CADM1: variants seen among roughly 807,000 people sequenced by gnomAD.
The protein encoded by CADM1 is TSLC-1.
Under a neutral mutation model 53.1 loss-of-function variants are expected in CADM1, and 15 were observed. The ratio of observed to expected loss-of-function variants is 0.28; its 90% CI spans 0.19 to 0.44. CADM1 has a LOEUF of 0.44. CADM1 is among the 20% of genes least tolerant of loss of function. The probability of loss-of-function intolerance (pLI) is 1.00; values close to 1 mark genes in which losing one functional copy is unlikely to be tolerated. For missense variants in CADM1, 434 were observed against 611.3 expected, an observed-to-expected ratio of 0.71 and a Z score of 3.06; for synonymous variants, 281 against 243.0, an observed-to-expected ratio of 1.16 and a Z score of -1.45.
chr11:115,260,110 T>A (rs2135013403), intron 1 of CADM1, among the ~76,000 whole-genome samples: 1 of 152,052 alleles, frequency 6.6e-6, no homozygotes, highest in Non-Finnish European at 1.5e-5. Flanking sequence ...TTTAATTTTG[T>A]TTAGAGACGG....
Position 115,426,351 on chromosome 11 carries a change from A to T in CADM1, c.124+77920T>A, listed in dbSNP as rs1223615619. On this transcript the variant is annotated intron_variant, in intron 1 of 11. Transcript: ENST00000331581. ...GACTCTGACCCCCGGCCCCTTTTTC[A>T]CAGAGACTTTTGATTTCAGTCGCTT... Among the ~76,000 whole-genome samples, 9 of 152,252 alleles carry T rather than the reference A, an allele frequency of 5.9e-5. No homozygotes were observed. The East Asian group carries it at 1.7e-3, about 29-fold the overall frequency.
At position 115,445,884 on chromosome 11, in the gene CADM1, A is replaced by G. The variant is rs553327964; in HGVS notation, c.124+58387T>C. 5.3e-4 allele frequency: 199 copies of G among 378,792 alleles called. 1 individual carries two copies. The highest frequency in any genetic ancestry group is 3.9e-3 in the South Asian group (197 of 51,104). The allele number at this position is 378,792 out of a possible 1,614,324, so 23.5% of individuals were successfully genotyped here. ...AGAGAGAGGTAATACAATTATAACAATGTACTGCTTTAAGACAGAAGAATA... is the reference window on the plus strand; with the variant it reads ...AGAGAGAGGTAATACAATTATAACAGTGTACTGCTTTAAGACAGAAGAATA... On this transcript the variant is annotated intron_variant, in intron 1 of 11. Coordinates refer to ENST00000331581, the MANE Select transcript of CADM1 (RefSeq NM_001301043.2).
intron 1 of CADM1, among the ~76,000 whole-genome samples, chr11:115,502,327 CTTTTTTTTTTTTT>C (rs11358670): frequency 5.2e-4 from 27 of 52,382 alleles, no homozygotes; most frequent in Admixed American, 2.6e-3. Context: ...CGCCCCCCGG[CTTTTTTTTTTTTT>C]TTTTTTTTTT....
intron 10 of CADM1, among the ~76,000 whole-genome samples, chr11:115,188,051 C>T (rs1939661696): frequency 6.6e-6 from 1 of 152,142 alleles, no homozygotes; most frequent in Non-Finnish European, 1.5e-5. Flanking sequence ...GCTGGAGGGC[C>T]ATTTTCTGGC....
chr11:115,272,123 T>C (rs1466615029), intron 1 of CADM1, among the ~76,000 whole-genome samples: 1 of 152,158 alleles, frequency 6.6e-6, no homozygotes, highest in African/African-American at 2.4e-5. Flanking sequence ...TCTATAATTT[T>C]GTTAAAGGCA....
intron 1 of CADM1, among the ~76,000 whole-genome samples, chr11:115,428,005 C>CAAAAAAAAAAA: frequency 1.8e-5 from 1 of 54,054 alleles, no homozygotes; most frequent in Admixed American, 3.0e-4. Context: ...GACTCCATCT[C>CAAAAAAAAAAA]AAAAAAAAAA....
At chr11:115,244,664 G>C (rs1422151378) in intron 1 of CADM1, among the ~76,000 whole-genome samples, 1 of 152,188 alleles carries the variant, frequency 6.6e-6, no homozygotes, top group Non-Finnish European at 1.5e-5. Context: ...GGCCCACACA[G>C]CTTGCACTCT....
intron 1 of CADM1, among the ~76,000 whole-genome samples, chr11:115,365,846 A>T (rs1241288476): frequency 6.6e-6 from 1 of 152,214 alleles, no homozygotes; most frequent in African/African-American, 2.4e-5. Flanking sequence ...ACTAAGAATC[A>T]ATTTTTAGGA....
At chr11:115,468,827 T>C (rs1591276804) in intron 1 of CADM1, among the ~76,000 whole-genome samples, 1 of 152,186 alleles carries the variant, frequency 6.6e-6, no homozygotes, top group African/African-American at 2.4e-5. Context: ...AGAGGTATAA[T>C]GGACTAACAG....
rs959898884 is a variant in CADM1 at position 115,289,603 on chromosome 11, T to C, written c.125-49183A>G. Among the ~76,000 whole-genome samples, 60 of 90,322 alleles carry C rather than the reference T, an allele frequency of 6.6e-4. No individual in the cohort carries two copies. The East Asian group carries it at 0.082, about 123-fold the overall frequency. The allele number at this position is 90,322 out of a possible 152,430, so 59.3% of individuals were successfully genotyped here. A position where few individuals can be genotyped will look rare whatever the true frequency, so the allele number is the denominator to read the frequency against. On this transcript the variant is annotated intron_variant, in intron 1 of 11. Transcript: ENST00000331581. ...ATTTTCTTTTTTTTTCTTTTTTTTT[T>C]TTTTTTTTTTGAGACAGAGTCTCGC... is the stretch of plus-strand genomic sequence containing the variant.
At chr11:115,397,523 C>G (rs1304439244) in intron 1 of CADM1, 1 of 152,156 alleles carries the variant, frequency 6.6e-6, no homozygotes, top group African/African-American at 2.4e-5. Flanking sequence ...GTGAAGATCA[C>G]TATCAGTAAA....
At chr11:115,300,950 C>G (rs962908021) in intron 1 of CADM1, among the ~76,000 whole-genome samples, 1 of 152,052 alleles carries the variant, frequency 6.6e-6, no homozygotes, top group African/African-American at 2.4e-5. Context: ...GAAGCACTAG[C>G]CTTTCCCTGA....
At chr11:115,438,281 G>A (rs554661293) in intron 1 of CADM1, among the ~76,000 whole-genome samples, 270 of 152,162 alleles carry the variant, frequency 1.8e-3, no homozygotes, top group African/African-American at 6.3e-3. Context: ...CCTGAATAGG[G>A]TTTCCAGATC....
chr11:115,446,650 G>A (rs570911616), intron 1 of CADM1, among the ~76,000 whole-genome samples: 2 of 152,210 alleles, frequency 1.3e-5, no homozygotes, highest in African/African-American at 4.8e-5. Flanking sequence ...GTATGAAAAT[G>A]ACACTTCTTT....
chr11:115,230,220 C>T (rs1346656306), intron 4 of CADM1, among the ~76,000 whole-genome samples: 1 of 152,116 alleles, frequency 6.6e-6, no homozygotes, highest in Admixed American at 6.6e-5. Context: ...TATCTGCTTC[C>T]AGATATAGAT....
intron 1 of CADM1, among the ~76,000 whole-genome samples, chr11:115,402,965 G>A (rs1947200735): frequency 6.6e-6 from 1 of 152,178 alleles, no homozygotes; most frequent in Admixed American, 6.5e-5. Context: ...ATGTGGAAAG[G>A]ATGATGGGAA....
intron 1 of CADM1, among the ~76,000 whole-genome samples, chr11:115,400,527 TG>T (rs1764921170): frequency 6.8e-6 from 1 of 147,030 alleles, no homozygotes; most frequent in Admixed American, 6.8e-5. Context: ...ATCAGAATAC[TG>T]TCAAAATCAG....
chr11:115,217,916 G>T lies in CADM1; in HGVS notation c.797C>A (p.Thr266Lys). Residue 266 changes from threonine (T) to lysine (K), a missense_variant, in exon 6 of 12, where the codon ACA becomes AAA. Thr to Lys is a moderately conservative substitution (Grantham distance 78, BLOSUM62 -1). Around this residue, in one of 4 missense-constraint regions of CADM1, gnomAD observed 311 missense variants for 435.1 expected, o/e 0.71. Coordinates refer to ENST00000331581, the MANE Select transcript of CADM1 (RefSeq NM_001301043.2). ...CTGGGGCTTCCCGATGGCTTCACAT[G>T]TTAACTCAAGCGCGTCCCCTTCCCG... is the stretch of plus-strand genomic sequence containing the variant. ...LTREGDALEL[T>K]CEAIGKPQPV... 1 of 1,613,562 alleles carries T rather than the reference G, an allele frequency of 6.2e-7. No individual in the cohort carries two copies. The highest frequency in any genetic ancestry group is 8.5e-7 in the Non-Finnish European group (1 of 1,179,550).
At chr11:115,200,065 T>A (rs1940347896) in intron 8 of CADM1, among the ~76,000 whole-genome samples, 1 of 152,116 alleles carries the variant, frequency 6.6e-6, no homozygotes, top group South Asian at 2.1e-4. Context: ...AAAAATTAGA[T>A]CCCTTCTAAG....
Sources: allele counts gnomAD v4.1 joint callset (sites outside exome capture counted in the v4.1 genomes callset), GRCh38; gene constraint gnomAD v4.1.1; regional missense constraint gnomAD v4.1.1; transcripts MANE v1.5; gene names NCBI Gene and HGNC (gene_info 2026-07-23, HGNC 2026-07-21).